CHRDL1: variants seen among roughly 807,000 people sequenced by gnomAD.
The protein encoded by CHRDL1 is chordin-like protein 1.
CHRDL1 carries 19 observed loss-of-function variants against 40.9 expected under a neutral mutation model. The observed-to-expected ratio is 0.46, with a 90% CI of 0.32 to 0.68. The LOEUF (loss-of-function observed/expected upper bound fraction) is 0.68. Among genes scored for constraint, CHRDL1 ranks in the 30% least tolerant of loss-of-function variants. CHRDL1 has a pLI of 0.03. For synonymous variants in CHRDL1, 136 were observed against 123.4 expected (o/e 1.10, Z -0.68); for missense variants, 329 against 352.1 (o/e 0.93, Z 0.53).
intron 7 of CHRDL1, among the ~76,000 whole-genome samples, chrX:110,699,442 T>G (rs925234889): frequency 8.9e-6 from 1 of 112,174 alleles, no homozygotes; most frequent in African/African-American, 3.2e-5. Context: ...CAATCCTTGC[T>G]GAGATTTTTC....
chrX:110,790,481 T>C (rs1316626204), intron 2 of CHRDL1, among the ~76,000 whole-genome samples: 2 of 111,762 alleles, frequency 1.8e-5, no homozygotes, highest in Admixed American at 9.5e-5. Context: ...CCATAAGAGA[T>C]GGTCTTCTGA....
chrX:110,778,925 G>A (rs2089895062), intron 2 of CHRDL1, among the ~76,000 whole-genome samples: 1 of 111,851 alleles, frequency 8.9e-6, no homozygotes, highest in Admixed American at 9.5e-5. Flanking sequence ...CTATAAAAAA[G>A]AATGAGGTCA....
At chrX:110,701,033 T>G (rs1254393546) in intron 6 of CHRDL1, among the ~76,000 whole-genome samples, 1 of 112,326 alleles carries the variant, frequency 8.9e-6, no homozygotes, top group Non-Finnish European at 1.9e-5. Context: ...CTCATTTTAC[T>G]TCGTGACAGT....
At chrX:110,756,686 A>T (rs2089459107) in intron 4 of CHRDL1, among the ~76,000 whole-genome samples, 1 of 105,928 alleles carries the variant, frequency 9.4e-6, no homozygotes, top group African/African-American at 4.0e-5. Context: ...CATGTAAGAA[A>T]AAACAAAAAC....
intron 2 of CHRDL1, among the ~76,000 whole-genome samples, chrX:110,773,923 T>C (rs1377057432): frequency 2.7e-5 from 3 of 110,323 alleles, no homozygotes; most frequent in Middle Eastern, 4.6e-3. Flanking sequence ...AATTGAACTA[T>C]GTCCTTACTG....
At chrX:110,684,828 G>GTA (rs2069971704) in intron 9 of CHRDL1, among the ~76,000 whole-genome samples, 1 of 112,223 alleles carries the variant, frequency 8.9e-6, no homozygotes, top group African/African-American at 3.2e-5. Context: ...TGACTCTCAG[G>GTA]CAATGTGACT....
At chrX:110,783,773 T>C (rs752162195) in intron 2 of CHRDL1, among the ~76,000 whole-genome samples, 1 of 111,694 alleles carries the variant, frequency 9.0e-6, no homozygotes, top group South Asian at 3.8e-4. Context: ...ATAGGAACAA[T>C]GATGACAAAA....
At chrX:110,784,406 T>A (rs899446951) in intron 2 of CHRDL1, among the ~76,000 whole-genome samples, 1 of 111,693 alleles carries the variant, frequency 9.0e-6, no homozygotes, top group African/African-American at 3.3e-5. Context: ...CTGCCCAAAA[T>A]TATATACTGA....
At chrX:110,770,396 G>T (rs886834459) in intron 2 of CHRDL1, among the ~76,000 whole-genome samples, 2 of 110,549 alleles carry the variant, frequency 1.8e-5, no homozygotes, top group Non-Finnish European at 3.8e-5. Flanking sequence ...ACATCATTTA[G>T]GGATTCAGCT....
intron 4 of CHRDL1, among the ~76,000 whole-genome samples, chrX:110,756,476 TG>T (rs1301693344): frequency 9.0e-6 from 1 of 110,606 alleles, no homozygotes; most frequent in Non-Finnish European, 1.9e-5. Flanking sequence ...AAACACTGAT[TG>T]TCCAAGTTAG....
chrX:110,753,113 T>TA (rs2089388831), intron 4 of CHRDL1, among the ~76,000 whole-genome samples: 1 of 112,197 alleles, frequency 8.9e-6, no homozygotes, highest in Non-Finnish European at 1.9e-5. Context: ...TAAATGTCCG[T>TA]AGCAGCGTTA....
rs140359319 is a variant in CHRDL1 at position 110,676,336 on chromosome X, T to G, written c.1272A>C (p.Gly424=). The change falls in exon 12 of 12, where the codon GGA becomes GGC. Residue 424 remains glycine, a synonymous_variant. Coordinates refer to ENST00000372042, the MANE Select transcript of CHRDL1 (RefSeq NM_001143981.2). ...TLSQWKIFTE[G]EAQISQMCSS... ...AACACATCTGGCTGATCTGAGCTTC[T>G]CCTTCGGTGAAGATCTTCCACTGGC... 24 of 1,209,802 alleles carry G rather than the reference T, an allele frequency of 2.0e-5. No individual in the cohort carries two copies. Among genetic ancestry groups the G allele is most frequent in the Non-Finnish European group, 2.7e-5 (24 of 893,994 alleles).
intron 4 of CHRDL1, among the ~76,000 whole-genome samples, chrX:110,750,468 CCA>C (rs1439858053): frequency 1.8e-5 from 2 of 111,464 alleles, no homozygotes; most frequent in Admixed American, 1.9e-4. Flanking sequence ...GATGAAAAGC[CCA>C]CTACAGGACA....
At chrX:110,750,919 C>T (rs1280423899) in intron 4 of CHRDL1, among the ~76,000 whole-genome samples, 4 of 111,804 alleles carry the variant, frequency 3.6e-5, no homozygotes, top group Non-Finnish European at 7.5e-5. Context: ...CCATTATCAG[C>T]GAAACAATGT....
intron 2 of CHRDL1, among the ~76,000 whole-genome samples, chrX:110,788,455 A>G (rs2090049775): frequency 8.9e-6 from 1 of 111,888 alleles, no homozygotes; most frequent in East Asian, 2.8e-4. Context: ...TACAAAACAC[A>G]TTCCTTGACC....
At chrX:110,763,898 C>A (rs191557993) in intron 2 of CHRDL1, among the ~76,000 whole-genome samples, 47 of 111,698 alleles carry the variant, frequency 4.2e-4, no homozygotes, top group African/African-American at 1.4e-3. Flanking sequence ...TGATTATGGT[C>A]ATTCTTGAAG....
chrX:110,685,686 G>A (rs1220884926), intron 9 of CHRDL1, among the ~76,000 whole-genome samples: 1 of 111,333 alleles, frequency 9.0e-6, no homozygotes, highest in Non-Finnish European at 1.9e-5. Context: ...GGTCTATAAT[G>A]AGTTTTAATG....
intron 4 of CHRDL1, among the ~76,000 whole-genome samples, chrX:110,740,799 T>C (rs776570658): frequency 8.9e-6 from 1 of 112,167 alleles, no homozygotes. Context: ...AGCTACTAAT[T>C]TGACTTAGCC....
chrX:110,689,502 ATATATC>A (rs1569461644), intron 8 of CHRDL1, among the ~76,000 whole-genome samples: 1 of 50,327 alleles, frequency 2.0e-5, no homozygotes, highest in Non-Finnish European at 3.0e-5. Flanking sequence ...CTATATATCT[ATATATC>A]TATATCTCTA....
Sources: allele counts gnomAD v4.1 joint callset (sites outside exome capture counted in the v4.1 genomes callset), GRCh38; gene constraint gnomAD v4.1.1; transcripts MANE v1.5; gene names NCBI Gene and HGNC (gene_info 2026-07-23, HGNC 2026-07-21).